The following MBD5 variants were observed in gnomAD, a reference collection of about 807,000 sequenced individuals.
The protein encoded by MBD5 is methyl-CpG binding domain protein 5.
A neutral mutation model predicts 117.3 loss-of-function variants in MBD5; 13 were observed. That is an observed-to-expected ratio of 0.11 (90% CI 0.07 to 0.18). The LOEUF (loss-of-function observed/expected upper bound fraction) is 0.18. Ranked by LOEUF, MBD5 falls within the 10% of genes least tolerant of loss-of-function variation. The pLI, the probability that MBD5 is intolerant of heterozygous loss-of-function variation, is 1.00. For missense variants in MBD5, 1,879 were observed against 2,093.8 expected (o/e 0.90, Z 2.00); for synonymous variants, 727 against 766.4 (o/e 0.95, Z 0.85).
At chr2:148,050,671 C>A (rs899319542) in intron 1 of MBD5, among the ~76,000 whole-genome samples, 1 of 152,072 alleles carries the variant, frequency 6.6e-6, no homozygotes, top group African/African-American at 2.4e-5. Flanking sequence ...CTATATCCCC[C>A]CATTGAATTG....
chr2:148,429,558 G>T (rs1484126558), intron 4 of MBD5, among the ~76,000 whole-genome samples: 1 of 152,058 alleles, frequency 6.6e-6, no homozygotes, highest in African/African-American at 2.4e-5. Flanking sequence ...TATGTTTATT[G>T]TGATACCGGT....
intron 4 of MBD5, among the ~76,000 whole-genome samples, chr2:148,349,906 G>T (rs1427735407): frequency 6.6e-6 from 1 of 151,868 alleles, no homozygotes; most frequent in Non-Finnish European, 1.5e-5. Flanking sequence ...CCTTCTGCAG[G>T]TAAATAAAAA....
chr2:148,260,683 A>T (rs1574208662), intron 3 of MBD5: 2 of 210,674 alleles, frequency 9.5e-6, no homozygotes, highest in East Asian at 2.2e-4. Flanking sequence ...CACCAACCAG[A>T]TGCTGCTCTA....
At chr2:148,157,113 C>A (rs1332189071) in intron 1 of MBD5, among the ~76,000 whole-genome samples, 1 of 152,044 alleles carries the variant, frequency 6.6e-6, no homozygotes, top group South Asian at 2.1e-4. Flanking sequence ...AACATCTGTT[C>A]ATTTTTGTTT....
At chr2:148,482,384 T>G (rs191917808) in intron 8 of MBD5, among the ~76,000 whole-genome samples, 19 of 152,208 alleles carry the variant, frequency 1.2e-4, no homozygotes, top group Admixed American at 3.9e-4. Context: ...TGTAGCTATA[T>G]ATAAGCTAAC....
intron 1 of MBD5, among the ~76,000 whole-genome samples, chr2:148,103,912 A>G (rs926485336): frequency 6.6e-6 from 1 of 152,174 alleles, no homozygotes; most frequent in Admixed American, 6.5e-5. Flanking sequence ...CTTAGGAAAT[A>G]ATTTTTATAG....
chr2:148,061,418 C>A (rs1355617023), intron 1 of MBD5, among the ~76,000 whole-genome samples: 1 of 151,776 alleles, frequency 6.6e-6, no homozygotes, highest in Non-Finnish European at 1.5e-5. Flanking sequence ...TACCCTTCCC[C>A]CAACTCTTTC....
At chr2:148,138,140 A>G (rs1697217719) in intron 1 of MBD5, among the ~76,000 whole-genome samples, 1 of 152,246 alleles carries the variant, frequency 6.6e-6, no homozygotes, top group African/African-American at 2.4e-5. Context: ...GCCACTAGCA[A>G]TAGCTATCTT....
chr2:148,494,974 AT>A (rs949349296), intron 11 of MBD5, among the ~76,000 whole-genome samples: 4 of 152,192 alleles, frequency 2.6e-5, no homozygotes, highest in African/African-American at 7.2e-5. Flanking sequence ...AATAAAAAAA[AT>A]AAAATAAATA....
chr2:148,216,990 A>G (rs1363356565), intron 2 of MBD5, among the ~76,000 whole-genome samples: 1 of 152,202 alleles, frequency 6.6e-6, no homozygotes, highest in African/African-American at 2.4e-5. Flanking sequence ...GCATTTTAGG[A>G]CCTAAAGTAA....
rs1451186092 is a variant in MBD5, at chr2:148,021,348, C to A, written c.-1261C>A. On this transcript the variant is annotated 5_prime_UTR_variant, in exon 1 of 14. Coordinates refer to ENST00000642680, the MANE Select transcript of MBD5 (RefSeq NM_001378120.1). ...CGAAAACCCCCATCCACGACTCCTACCCCCTCACCCCTCCAACTCGCCTCC... is the reference window on the plus strand; with the variant it reads ...CGAAAACCCCCATCCACGACTCCTAACCCCTCACCCCTCCAACTCGCCTCC... 2.5e-6 allele frequency: 1 copy of A among 397,206 alleles called. No homozygotes were observed. Among genetic ancestry groups the A allele is most frequent in the Non-Finnish European group, 5.0e-6 (1 of 198,068 alleles). The allele number at this position is 397,206 out of a possible 1,614,324, so 24.6% of individuals were successfully genotyped here. A position where few individuals can be genotyped will look rare whatever the true frequency, so the allele number is the denominator to read the frequency against.
intron 3 of MBD5, among the ~76,000 whole-genome samples, chr2:148,335,714 G>A (rs1294108047): frequency 2.6e-5 from 4 of 151,902 alleles, no homozygotes; most frequent in Non-Finnish European, 4.4e-5. Context: ...GTGAGACCCT[G>A]TCTTAAAGAA....
intron 12 of MBD5, among the ~76,000 whole-genome samples, chr2:148,505,122 A>C (rs1386148249): frequency 6.6e-6 from 1 of 152,170 alleles, no homozygotes; most frequent in Non-Finnish European, 1.5e-5. Context: ...TAGGAGGTAA[A>C]ATAGACAGAA....
chr2:148,490,374 G>A lies in MBD5; in HGVS notation c.4742G>A (p.Cys1581Tyr). 1 of 1,614,192 alleles carries A rather than the reference G, an allele frequency of 6.2e-7. No individual in the cohort carries two copies. The highest frequency in any genetic ancestry group is 8.5e-7 in the Non-Finnish European group (1 of 1,180,038). Residue 1581 changes from cysteine (C) to tyrosine (Y), a missense_variant, in exon 11 of 14, where the codon TGT (cysteine) becomes TAT (tyrosine). Physicochemically the swap from Cys to Tyr is radical, Grantham distance 194 (BLOSUM62 -2). Coordinates refer to ENST00000642680, the MANE Select transcript of MBD5 (RefSeq NM_001378120.1). The part of the protein sequence containing the change: ...GDFNAKSVNG[C>Y]VPSPSDAKSI... ...TTTAATGCCAAAAGCGTTAATGGGT[G>A]TGTGCCTAGCCCTTCAGATGCTAAA...
At chr2:148,069,465 C>A (rs1167129972) in intron 1 of MBD5, among the ~76,000 whole-genome samples, 1 of 151,662 alleles carries the variant, frequency 6.6e-6, no homozygotes, top group African/African-American at 2.4e-5. Context: ...TCTTCAACAG[C>A]TCACAATAAA....
chr2:148,158,297 A>G (rs1170694540), intron 1 of MBD5, among the ~76,000 whole-genome samples: 1 of 152,240 alleles, frequency 6.6e-6, no homozygotes, highest in African/African-American at 2.4e-5. Context: ...ATGCAATTAG[A>G]CAGTTATGCA....
chr2:148,370,412 A>AT lies in MBD5; in HGVS notation c.-557+28082dup, dbSNP rs556960857. ...AGAAGTTAAATATTACTGTTTGGTG[A>AT]TTTTTTGACAATGAGAGTTAGTAAA... On this transcript the variant is annotated intron_variant, in intron 4 of 13. Coordinates refer to ENST00000642680, the MANE Select transcript of MBD5 (RefSeq NM_001378120.1). 9.1e-4 allele frequency among the ~76,000 whole-genome samples: 138 copies of AT among 152,268 alleles called. 3 individuals carry two copies. Among genetic ancestry groups the AT allele is most frequent in the African/African-American group, 3.1e-3 (130 of 41,552 alleles).
intron 4 of MBD5, among the ~76,000 whole-genome samples, chr2:148,388,158 T>C (rs1704437219): frequency 6.6e-6 from 1 of 152,188 alleles, no homozygotes. Flanking sequence ...TGTTTTGTGA[T>C]TACCTAAATA....
At chr2:148,152,362 T>A (rs74810195) in intron 1 of MBD5, among the ~76,000 whole-genome samples, 3 of 152,094 alleles carry the variant, frequency 2.0e-5, no homozygotes, top group Non-Finnish European at 2.9e-5. Flanking sequence ...ACTTCCAAGT[T>A]TGTGGTCAAT....
Sources: allele counts gnomAD v4.1 joint callset (sites outside exome capture counted in the v4.1 genomes callset), GRCh38; gene constraint gnomAD v4.1.1; transcripts MANE v1.5; gene names NCBI Gene and HGNC (gene_info 2026-07-23, HGNC 2026-07-21).